MYO3B: variants seen among roughly 807,000 people sequenced by gnomAD.
MYO3B encodes the protein myosin IIIB, also known as myosin-IIIb.
Under a neutral mutation model 174.6 loss-of-function variants are expected in MYO3B, and 156 were observed. That is an observed-to-expected ratio of 0.89 (90% confidence interval 0.78 to 1.02). MYO3B has a LOEUF of 1.02. MYO3B is among the 50% of genes least tolerant of loss of function. The probability of loss-of-function intolerance (pLI) is 0.00; values close to 1 mark genes in which losing one functional copy is unlikely to be tolerated. For synonymous variants in MYO3B, 563 were observed against 569.1 expected (o/e 0.99, Z 0.15); for missense variants, 1,632 against 1,639.4 (o/e 1.00, Z 0.08).
At chr2:170,395,317 T>C (rs1425767437) in intron 16 of MYO3B, among the ~76,000 whole-genome samples, 2 of 152,248 alleles carry the variant, frequency 1.3e-5, no homozygotes, top group African/African-American at 4.8e-5. Context: ...TTTGTCTTCC[T>C]GGTAGGAATT....
chr2:170,499,909 C>CCCTCCCTTCTCCCCTCCCTCCCTCCCTT, intron 27 of MYO3B, 101 bp downstream of exon 27: 4 of 926,032 alleles, frequency 4.3e-6, no homozygotes, highest in Non-Finnish European at 6.4e-6. Context: ...TTCCCTCCCT[C>CCCTCCCTTCTCCCCTCCCTCCCTCCCTT]CCTTCCTTCT....
chr2:170,407,716 T>C lies in MYO3B; in HGVS notation c.2522T>C (p.Val841Ala), dbSNP rs61746889. Residue 841 changes from valine (V) to alanine (A), a missense_variant and splice_region_variant, in exon 22 of 35, where the codon GTA becomes GCA. Transcript: ENST00000408978. ...CFGIQHYAGKVLYDASGVLEK... is the reference protein window; with the variant it reads ...CFGIQHYAGKALYDASGVLEK... ...TGCCGTTTGCTATTCATGTTACAGGTATTATATGATGCTTCTGGGGTTCTT... is the reference window on the plus strand; with the variant it reads ...TGCCGTTTGCTATTCATGTTACAGGCATTATATGATGCTTCTGGGGTTCTT... 3.6e-5 allele frequency: 58 copies of C among 1,613,776 alleles called. No homozygotes were observed. The highest frequency in any genetic ancestry group is 4.7e-5 in the Non-Finnish European group (56 of 1,179,846).
intron 8 of MYO3B, among the ~76,000 whole-genome samples, chr2:170,336,562 G>A (rs2093948739): frequency 6.6e-6 from 1 of 152,160 alleles, no homozygotes; most frequent in Non-Finnish European, 1.5e-5. Context: ...TATGTGAACT[G>A]ATTTGATGGT....
Position 170,329,259 on chromosome 2 carries a change from G to GTATA in MYO3B, c.750-6119_750-6116dup, listed in dbSNP as rs140076957. 2.0e-3 allele frequency among the ~76,000 whole-genome samples: 296 copies of GTATA among 149,248 alleles called. 2 individuals are homozygous for GTATA. The highest frequency in any genetic ancestry group is 6.8e-3 in the African/African-American group (269 of 39,836). On this transcript the variant is annotated intron_variant, in intron 7 of 34. Transcript: ENST00000408978. ...TGTGTGTGTGTGTGTGTGTGTGTGT[G>GTATA]TATATATATAAAATATTTATAGCAG...
Position 170,529,640 on chromosome 2 carries a change from C to T in MYO3B, c.3575+10100C>T, listed in dbSNP as rs552646800. On this transcript the variant is annotated intron_variant, in intron 30 of 34. Transcript: ENST00000408978. ...CACATTGCTGGTACCTACGTTGTAT[C>T]CTCATCAAGCTCTTTATTATATTCC... is the stretch of plus-strand genomic sequence containing the variant. Among the ~76,000 whole-genome samples the T allele has an allele frequency of 2.6e-5, 4 of 152,304 alleles. No homozygotes were observed. The Middle Eastern group carries it at 0.014, about 518-fold the overall frequency.
chr2:170,511,226 A>ATTT (rs61583068), intron 28 of MYO3B, among the ~76,000 whole-genome samples: 1 of 144,270 alleles, frequency 6.9e-6, no homozygotes, highest in African/African-American at 2.5e-5. Flanking sequence ...CGCCCAGCTA[A>ATTT]TTTTTTTTTT....
At chr2:170,241,624 A>G (rs2093134754) in intron 7 of MYO3B, among the ~76,000 whole-genome samples, 1 of 152,200 alleles carries the variant, frequency 6.6e-6, no homozygotes, top group Non-Finnish European at 1.5e-5. Context: ...GATAACAAAA[A>G]GGAGAAATCA....
At chr2:170,434,136 T>C (rs2094732712) in intron 22 of MYO3B, among the ~76,000 whole-genome samples, 1 of 152,158 alleles carries the variant, frequency 6.6e-6, no homozygotes, top group Admixed American at 6.5e-5. Context: ...CTTATAAATT[T>C]AGGAGAGATG....
intron 25 of MYO3B, among the ~76,000 whole-genome samples, chr2:170,484,269 CA>C (rs1184264831): frequency 6.6e-6 from 1 of 152,072 alleles, no homozygotes; most frequent in African/African-American, 2.4e-5. Context: ...CAAAGTTACA[CA>C]GAGAGTATGT....
chr2:170,615,722 T>C (rs1022198023), intron 32 of MYO3B, among the ~76,000 whole-genome samples: 3 of 152,162 alleles, frequency 2.0e-5, no homozygotes, highest in Non-Finnish European at 2.9e-5. Context: ...CCCAGGTGTA[T>C]TGGCAGGTTG....
chr2:170,289,460 G>A (rs6720368), intron 7 of MYO3B, among the ~76,000 whole-genome samples: 47,187 of 151,858 alleles, frequency 0.31, 7,472 homozygotes, highest in South Asian at 0.43. Flanking sequence ...GATTCCGGGA[G>A]TTTATCCATT....
At chr2:170,440,626 G>A (rs2094792745) in intron 22 of MYO3B, among the ~76,000 whole-genome samples, 1 of 151,552 alleles carries the variant, frequency 6.6e-6, no homozygotes, top group African/African-American at 2.4e-5. Flanking sequence ...GGTGGCGCGT[G>A]CCTCTAATCC....
intron 6 of MYO3B, among the ~76,000 whole-genome samples, chr2:170,222,243 C>T (rs2092908962): frequency 6.6e-6 from 1 of 152,148 alleles, no homozygotes; most frequent in African/African-American, 2.4e-5. Context: ...TGCCAATAGC[C>T]ACAGGTGAAG....
intron 23 of MYO3B, among the ~76,000 whole-genome samples, chr2:170,460,215 C>T (rs956760381): frequency 3.3e-5 from 5 of 152,064 alleles, no homozygotes; most frequent in Admixed American, 3.3e-4. Context: ...CTAGGCCGGG[C>T]GTGGTGGCTC....
intron 8 of MYO3B, among the ~76,000 whole-genome samples, chr2:170,352,927 G>T (rs576734830): frequency 6.6e-6 from 1 of 152,300 alleles, no homozygotes; most frequent in Admixed American, 6.5e-5. Flanking sequence ...CAAGGATGTG[G>T]AGCAAAAGGA....
intron 7 of MYO3B, among the ~76,000 whole-genome samples, chr2:170,315,013 T>G (rs1342710675): frequency 6.6e-6 from 1 of 152,204 alleles, no homozygotes; most frequent in Non-Finnish European, 1.5e-5. Flanking sequence ...TACTGGGTGA[T>G]TACGGACCCA....
At chr2:170,519,207 T>G (rs1688505997) in intron 29 of MYO3B, among the ~76,000 whole-genome samples, 1 of 152,186 alleles carries the variant, frequency 6.6e-6, no homozygotes, top group African/African-American at 2.4e-5. Flanking sequence ...AGAGGTAGCT[T>G]GTTTTCCTAT....
At chr2:170,626,228 C>T (rs1696414669) in intron 32 of MYO3B, among the ~76,000 whole-genome samples, 1 of 152,160 alleles carries the variant, frequency 6.6e-6, no homozygotes. Flanking sequence ...CTTTATGAAT[C>T]TGGGTGCTCC....
intron 30 of MYO3B, among the ~76,000 whole-genome samples, chr2:170,523,391 T>C (rs545887707): frequency 6.6e-6 from 1 of 151,422 alleles, no homozygotes; most frequent in South Asian, 2.1e-4. Flanking sequence ...GTCCCCCTTA[T>C]GTTTGTCAAC....
Sources: gnomAD v4.1 joint callset for allele counts (sites outside exome capture counted in the v4.1 genomes callset) on GRCh38, gnomAD v4.1.1 for gene constraint, MANE v1.5 for transcripts, NCBI Gene and HGNC (gene_info 2026-07-23, HGNC 2026-07-21) for gene names.